LRRC58: variants seen among roughly 807,000 people sequenced by gnomAD.
LRRC58 encodes the protein leucine-rich repeat-containing protein 58.
In LRRC58, 18 loss-of-function variants were observed where a neutral mutation model predicts 30.6. The ratio of observed to expected loss-of-function variants is 0.59; its 90% CI spans 0.41 to 0.87. LRRC58 has a LOEUF of 0.87. LRRC58 is among the 40% of genes least tolerant of loss of function. The pLI is 0.00. For missense variants in LRRC58, 420 were observed against 468.4 expected (o/e 0.90, Z 0.95); for synonymous variants, 221 against 206.0 (o/e 1.07, Z -0.62).
rs548245526 is a variant in LRRC58 at position 120,333,241 on chromosome 3, A to G, written c.907+1621T>C. ...TTCCTAAGATAAATGGCACATCAGT[A>G]TACTAAAGAAGTCATTAAGGAAATA... On this transcript the variant is annotated intron_variant, in intron 3 of 3. Coordinates refer to ENST00000295628, the MANE Select transcript of LRRC58 (RefSeq NM_001099678.2). 1.1e-3 allele frequency among the ~76,000 whole-genome samples: 164 copies of G among 152,376 alleles called. 1 individual carries two copies. The highest frequency in any genetic ancestry group is 3.8e-3 in the African/African-American group (156 of 41,586).
chr3:120,335,630 GA>G (rs1184660443), intron 2 of LRRC58, among the ~76,000 whole-genome samples, 194 bp downstream of exon 2: 2 of 152,076 alleles, frequency 1.3e-5, no homozygotes, highest in Non-Finnish European at 2.9e-5. Context: ...CAAATATTTT[GA>G]AGAATAAACC....
Position 120,331,290 on chromosome 3 carries a change from G to A in LRRC58, c.1026C>T (p.Ala342=), listed in dbSNP as rs770834372. 5 of 1,613,954 alleles carry A rather than the reference G, an allele frequency of 3.1e-6. No individual in the cohort carries two copies. Among genetic ancestry groups the A allele is most frequent in the Non-Finnish European group, 2.5e-6 (3 of 1,179,858 alleles). ...SPECSSPCSS[A]SHSSTSQSES... ...CACTCTGGGAAGTGGAGCTGTGAGA[G>A]GCAGAACTGCAAGGGGAAGAACATT... The change falls in exon 4 of 4, where the codon GCC becomes GCT. Residue 342 remains alanine, a synonymous_variant. Coordinates refer to ENST00000295628, the MANE Select transcript of LRRC58 (RefSeq NM_001099678.2).
At position 120,331,001 on chromosome 3, in the gene LRRC58, T is replaced by G; in HGVS notation, c.*199A>C. On this transcript the variant is annotated 3_prime_UTR_variant, in exon 4 of 4. Transcript: ENST00000295628. ...ATGTGAAACTATCATTCACAAATTA[T>G]GTTAAAATAATCTAAACATGGGACT... The G allele has an allele frequency of 1.8e-6, 1 of 570,334 alleles. No homozygotes were observed. The highest frequency in any genetic ancestry group is 3.2e-6 in the Non-Finnish European group (1 of 316,190). The allele number at this position is 570,334 out of a possible 1,614,324, so 35.3% of individuals were successfully genotyped here. A position where few individuals can be genotyped will look rare whatever the true frequency, so the allele number is the denominator to read the frequency against.
intron 1 of LRRC58, 150 bp from the exon 2 acceptor site, chr3:120,336,103 A>G (rs1935831811): frequency 1.7e-6 from 1 of 602,494 alleles, no homozygotes; most frequent in Non-Finnish European, 2.8e-6. Context: ...TAGAGAAACA[A>G]TGCAATTTTC....
rs1465472379 is a variant in LRRC58 at position 120,327,243 on chromosome 3, A to ATTTT, written c.*3956_*3957insAAAA. ...TCTTCTAGCCCTGTGGCTTCTAAAG[A>ATTTT]TTTCTTTTTTTTTTTTTTTTTTTTT... On this transcript the variant is annotated 3_prime_UTR_variant, in exon 4 of 4. Transcript: ENST00000295628. 5.5e-5 allele frequency: 6 copies of ATTTT among 109,030 alleles called. No homozygotes were observed. The highest frequency in any genetic ancestry group is 2.4e-4 in the African/African-American group (6 of 25,104). 6.8% of individuals were successfully genotyped at this position (109,030 alleles called of 1,614,324 possible).
chr3:120,349,211 G>C lies in LRRC58; in HGVS notation c.33C>G (p.Ala11=), dbSNP rs758506813. Residue 11 remains alanine (A), a synonymous_variant, in exon 1 of 4, where the codon GCC becomes GCG. Coordinates refer to ENST00000295628, the MANE Select transcript of LRRC58 (RefSeq NM_001099678.2). ...GGGACCAGTTCAGTTCGGCCTCCCC[G>C]GCCGTGACCACCGCTGCTCCGGCCT... MEEAGAAVVT[A]GEAELNWSRL... The C allele has an allele frequency of 1.4e-6, 2 of 1,436,932 alleles. No individual in the cohort carries two copies. Among genetic ancestry groups the C allele is most frequent in the East Asian group, 5.9e-5 (2 of 33,954 alleles). The allele number at this position is 1,436,932 out of a possible 1,614,324, so 89.0% of individuals were successfully genotyped here.
At chr3:120,344,376 T>A (rs892607360) in intron 1 of LRRC58, among the ~76,000 whole-genome samples, 5 of 152,170 alleles carry the variant, frequency 3.3e-5, no homozygotes, top group Non-Finnish European at 5.9e-5. Flanking sequence ...ATAAAAAAAG[T>A]CAGAGGGACG....
chr3:120,334,588 GT>G (rs1169986608), intron 3 of LRRC58, among the ~76,000 whole-genome samples: 1 of 152,102 alleles, frequency 6.6e-6, no homozygotes, highest in Non-Finnish European at 1.5e-5. Context: ...AATTAGAACT[GT>G]TTATACTTCC....
At chr3:120,335,718 T>C (rs2107623059) in intron 2 of LRRC58, 107 bp downstream of exon 2, 2 of 991,168 alleles carry the variant, frequency 2.0e-6, no homozygotes, top group East Asian at 4.9e-5. Flanking sequence ...TCACTTACTT[T>C]GAGAATATCT....
chr3:120,337,660 C>A (rs1462272617), intron 1 of LRRC58, among the ~76,000 whole-genome samples: 1 of 151,930 alleles, frequency 6.6e-6, no homozygotes, highest in Non-Finnish European at 1.5e-5. Context: ...TATTATTTTG[C>A]CTTCTTGCTC....
intron 1 of LRRC58, among the ~76,000 whole-genome samples, chr3:120,343,994 G>A (rs761625396): frequency 2.0e-5 from 3 of 152,070 alleles, no homozygotes; most frequent in East Asian, 1.9e-4. Flanking sequence ...AGGTGAGATC[G>A]TGCCGCTGCA....
At position 120,330,232 on chromosome 3, in the gene LRRC58, T is replaced by C. The variant is rs1406905670; in HGVS notation, c.*968A>G. ...AAGAAGCTTTCCTAGCTTCTATCTC[T>C]TTTAGAATTTTCTGTTAAAAATTCT... On this transcript the variant is annotated 3_prime_UTR_variant, in exon 4 of 4. Coordinates refer to ENST00000295628, the MANE Select transcript of LRRC58 (RefSeq NM_001099678.2). 7 of 152,168 alleles carry C rather than the reference T, an allele frequency of 4.6e-5. No individual in the cohort carries two copies. The highest frequency in any genetic ancestry group is 1.0e-4 in the Non-Finnish European group (7 of 67,974). 9.4% of individuals were successfully genotyped at this position (152,168 alleles called of 1,614,324 possible). A position where few individuals can be genotyped will look rare whatever the true frequency, so the allele number is the denominator to read the frequency against.
chr3:120,347,453 G>A lies in LRRC58; in HGVS notation c.500+1291C>T, dbSNP rs1374231097. Reference sequence around the variant, plus strand: ...AGGCCGGACTGCGGACTGCAGTGGCGCAATCTCGGCTCACTGCAAGCTCCG... The same window carrying A: ...AGGCCGGACTGCGGACTGCAGTGGCACAATCTCGGCTCACTGCAAGCTCCG... On this transcript the variant is annotated intron_variant, in intron 1 of 3. Transcript: ENST00000295628. Among the ~76,000 whole-genome samples, 8 of 132,952 alleles carry A rather than the reference G, an allele frequency of 6.0e-5. No individual in the cohort carries two copies. The East Asian group carries it at 1.1e-3, about 19-fold the overall frequency. The allele number at this position is 132,952 out of a possible 152,430, so 87.2% of individuals were successfully genotyped here.
intron 1 of LRRC58, among the ~76,000 whole-genome samples, chr3:120,342,262 G>C (rs776284082): frequency 1.3e-5 from 2 of 152,198 alleles, no homozygotes; most frequent in African/African-American, 2.4e-5. Context: ...GCAGATGGGA[G>C]TGGGGACTCC....
In LRRC58 at chr3:120,331,149, T is replaced by TAACCATTTTGCTCA; in HGVS notation, c.*37_*50dup. 6.6e-7 allele frequency: 1 copy of TAACCATTTTGCTCA among 1,504,870 alleles called. No individual in the cohort carries two copies. The highest frequency in any genetic ancestry group is 1.1e-5 in the South Asian group (1 of 88,274). The allele number at this position is 1,504,870 out of a possible 1,614,324, so 93.2% of individuals were successfully genotyped here. A position where few individuals can be genotyped will look rare whatever the true frequency, so the allele number is the denominator to read the frequency against. On this transcript the variant is annotated 3_prime_UTR_variant, in exon 4 of 4. Transcript: ENST00000295628. ...GAACTTCAAGCTCTATTTTCTTGTC[T>TAACCATTTTGCTCA]AACCATTTTGCTCAGTTTTTTAAGT... is the stretch of plus-strand genomic sequence containing the variant.
intron 2 of LRRC58, 125 bp from the exon 3 acceptor site, chr3:120,335,264 T>G: frequency 1.3e-6 from 1 of 798,000 alleles, no homozygotes; most frequent in Non-Finnish European, 1.9e-6. Flanking sequence ...TAAGGTCAAT[T>G]GAAGTAAAAT....
chr3:120,349,196 C>G lies in LRRC58; in HGVS notation c.48G>C (p.Leu16=), dbSNP rs1188183737. The G allele has an allele frequency of 1.4e-6, 2 of 1,460,728 alleles. No individual in the cohort carries two copies. Among genetic ancestry groups the G allele is most frequent in the Admixed American group, 5.0e-5 (2 of 39,632 alleles). 90.5% of individuals were successfully genotyped at this position (1,460,728 alleles called of 1,614,324 possible). A position where few individuals can be genotyped will look rare whatever the true frequency, so the allele number is the denominator to read the frequency against. The change falls in exon 1 of 4, where the codon CTG becomes CTC. Residue 16 remains leucine (L), a synonymous_variant. Transcript: ENST00000295628. ...AAVVTAGEAE[L]NWSRLSVSTE... ...TGGACACGCTGAGGCGGGACCAGTT[C>G]AGTTCGGCCTCCCCGGCCGTGACCA...
At chr3:120,347,554 G>A (rs1935988560) in intron 1 of LRRC58, among the ~76,000 whole-genome samples, 1 of 150,258 alleles carries the variant, frequency 6.7e-6, no homozygotes, top group East Asian at 1.9e-4. Context: ...ACCGCGCCCG[G>A]CTAATTTTTT....
rs1935692429 is a variant in LRRC58, at chr3:120,327,286, C to T, written c.*3914G>A. On this transcript the variant is annotated 3_prime_UTR_variant, in exon 4 of 4. Transcript: ENST00000295628. ...TTTTTTTTTGAGACGGAGTCTCGCT[C>T]TGTGGCCCAGGCGGGAGTGCAGTGG... 1 of 121,944 alleles carries T rather than the reference C, an allele frequency of 8.2e-6. No individual in the cohort carries two copies. Among genetic ancestry groups the T allele is most frequent in the South Asian group, 2.7e-4 (1 of 3,704 alleles). 7.6% of individuals were successfully genotyped at this position (121,944 alleles called of 1,614,324 possible). A position where few individuals can be genotyped will look rare whatever the true frequency, so the allele number is the denominator to read the frequency against.
Sources: allele counts gnomAD v4.1 joint callset (sites outside exome capture counted in the v4.1 genomes callset), GRCh38; gene constraint gnomAD v4.1.1; transcripts MANE v1.5; gene names NCBI Gene and HGNC (gene_info 2026-07-23, HGNC 2026-07-21).